NLGN1: variants seen among roughly 807,000 people sequenced by gnomAD.
NLGN1 encodes neuroligin 1.
Under a neutral mutation model 65.5 loss-of-function variants are expected in NLGN1, and 12 were observed. The observed-to-expected ratio is 0.18, with a 90% CI of 0.12 to 0.30. The LOEUF (loss-of-function observed/expected upper bound fraction) is 0.30. Among genes scored for constraint, NLGN1 ranks in the 10% least tolerant of loss-of-function variants. The pLI is 1.00. For synonymous variants in NLGN1, 350 were observed against 359.5 expected (o/e 0.97, Z 0.30); for missense variants, 750 against 1,007.1 (o/e 0.74, Z 3.46).
chr3:173,985,330 A>G (rs1196574302), intron 4 of NLGN1, among the ~76,000 whole-genome samples: 1 of 152,070 alleles, frequency 6.6e-6, no homozygotes, highest in Non-Finnish European at 1.5e-5. Context: ...ACCCCTTTTT[A>G]TTAGAGCCTG....
At chr3:174,201,377 AAG>A (rs1491323369) in intron 4 of NLGN1, among the ~76,000 whole-genome samples, 2 of 94,952 alleles carry the variant, frequency 2.1e-5, no homozygotes, top group Non-Finnish European at 4.4e-5. Context: ...GAAGGAAGGA[AAG>A]AAGGAAGGAA....
At chr3:173,858,807 A>ATTT (rs1026831613) in intron 4 of NLGN1, among the ~76,000 whole-genome samples, 2 of 151,980 alleles carry the variant, frequency 1.3e-5, no homozygotes, top group Non-Finnish European at 2.9e-5. Context: ...GTAGCACCGG[A>ATTT]TTTTTCATTA....
At chr3:173,781,731 G>A (rs1024410701) in intron 3 of NLGN1, among the ~76,000 whole-genome samples, 1 of 152,096 alleles carries the variant, frequency 6.6e-6, no homozygotes. Context: ...TTTTAAAAAG[G>A]CACATTAGCC....
intron 4 of NLGN1, among the ~76,000 whole-genome samples, chr3:173,883,750 A>G (rs1188970433): frequency 6.6e-6 from 1 of 151,498 alleles, no homozygotes; most frequent in Non-Finnish European, 1.5e-5. Flanking sequence ...TTGACATGGC[A>G]GTATCATGGG....
At chr3:174,200,836 A>G (rs1154876) in intron 4 of NLGN1, among the ~76,000 whole-genome samples, 112,308 of 152,002 alleles carry the variant, frequency 0.74, 41,576 homozygotes, top group East Asian at 0.83. Flanking sequence ...TAACCATCAG[A>G]CACAACTATT....
intron 3 of NLGN1, among the ~76,000 whole-genome samples, chr3:173,653,540 T>C (rs1436947277): frequency 1.3e-5 from 2 of 152,192 alleles, no homozygotes; most frequent in Non-Finnish European, 2.9e-5. Context: ...ATGAATTACA[T>C]TTATTGACAA....
intron 4 of NLGN1, among the ~76,000 whole-genome samples, chr3:173,826,630 A>C (rs2150566057): frequency 6.6e-6 from 1 of 152,210 alleles, no homozygotes; most frequent in South Asian, 2.1e-4. Flanking sequence ...CGAGGGTGTT[A>C]ATGATGATTC....
At chr3:174,187,015 C>G (rs1173021444) in intron 4 of NLGN1, among the ~76,000 whole-genome samples, 2 of 151,996 alleles carry the variant, frequency 1.3e-5, no homozygotes, top group African/African-American at 4.8e-5. Context: ...TATACACATC[C>G]TGTATACTTT....
At chr3:173,746,568 C>T (rs1775417550) in intron 3 of NLGN1, among the ~76,000 whole-genome samples, 1 of 151,948 alleles carries the variant, frequency 6.6e-6, no homozygotes, top group African/African-American at 2.4e-5. Context: ...TAAAGCCCTT[C>T]ACGAAAACCA....
chr3:173,701,989 C>T lies in NLGN1; in HGVS notation c.493+96898C>T, dbSNP rs1305809477. On this transcript the variant is annotated intron_variant, in intron 3 of 6. Coordinates refer to ENST00000457714, the Ensembl canonical transcript of NLGN1. ...GCGCGGTGGCTCACGCCTGTAATCCCAGCACTTTGGGAGGCCGAGGCGGGT... is the reference window on the plus strand; with the variant it reads ...GCGCGGTGGCTCACGCCTGTAATCCTAGCACTTTGGGAGGCCGAGGCGGGT... Among the ~76,000 whole-genome samples, 4 of 152,104 alleles carry T rather than the reference C, an allele frequency of 2.6e-5. No homozygotes were observed. In the South Asian group the frequency reaches 6.2e-4, roughly 24 times the overall value.
At chr3:174,143,011 CGAG>C (rs1722582261) in intron 4 of NLGN1, among the ~76,000 whole-genome samples, 1 of 152,004 alleles carries the variant, frequency 6.6e-6, no homozygotes, top group Admixed American at 6.6e-5. Context: ...AGACAGAGAA[CGAG>C]GAGGTCTCAG....
Position 173,600,592 on chromosome 3 carries a change from C to CTTTTTTTTTTTTTTTTTTTTTTTTTTT in NLGN1, c.-320-3678_-320-3677insTTTTTTTTTTTTTTTTTTTTTTTTTTT, listed in dbSNP as rs150984290. On this transcript the variant is annotated intron_variant, in intron 2 of 6. Coordinates refer to ENST00000457714, the Ensembl canonical transcript of NLGN1. ...AAGCAAGGTAGAAATAAAAACATAT[C>CTTTTTTTTTTTTTTTTTTTTTTTTTTT]TTTTTTTTTAGAAAAAGATATGTAA... 8.6e-3 allele frequency among the ~76,000 whole-genome samples: 889 copies of CTTTTTTTTTTTTTTTTTTTTTTTTTTT among 103,398 alleles called. 271 individuals carry two copies. The highest frequency in any genetic ancestry group is 0.025 in the East Asian group (75 of 3,016). 67.8% of individuals were successfully genotyped at this position (103,398 alleles called of 152,430 possible).
intron 4 of NLGN1, among the ~76,000 whole-genome samples, chr3:174,230,607 A>G (rs996145787): frequency 1.3e-5 from 2 of 152,188 alleles, no homozygotes; most frequent in African/African-American, 4.8e-5. Flanking sequence ...GTTTTAGTGA[A>G]GTATCAGCAT....
At position 173,968,650 on chromosome 3, in the gene NLGN1, C is replaced by T. The variant is rs150851782; in HGVS notation, c.646+160818C>T. Among the ~76,000 whole-genome samples the T allele has an allele frequency of 8.7e-3, 1,300 of 149,654 alleles. 11 individuals are homozygous for T. Among genetic ancestry groups the T allele is most frequent in the Non-Finnish European group, 0.014 (964 of 67,560 alleles). ...TATCACAGAATAAATTTTGATGTGT[C>T]CACCTTCTCTAACACCCCACAATTA... On this transcript the variant is annotated intron_variant, in intron 4 of 6. Transcript: ENST00000457714.
At chr3:173,756,587 C>T (rs920977322) in intron 3 of NLGN1, among the ~76,000 whole-genome samples, 1 of 151,554 alleles carries the variant, frequency 6.6e-6, no homozygotes, top group Non-Finnish European at 1.5e-5. Flanking sequence ...GAAATAGTGA[C>T]AAAGCAGAAG....
intron 4 of NLGN1, among the ~76,000 whole-genome samples, chr3:173,896,703 T>C (rs536759171): frequency 3.7e-4 from 57 of 152,270 alleles, no homozygotes; most frequent in African/African-American, 1.3e-3. Flanking sequence ...TTCTCATTCA[T>C]ACCATAGATG....
chr3:173,487,601 C>T (rs748989978), intron 2 of NLGN1, among the ~76,000 whole-genome samples: 35 of 151,810 alleles, frequency 2.3e-4, no homozygotes, highest in Non-Finnish European at 4.9e-4. Context: ...GTCAAATTCT[C>T]TTTATAATTC....
intron 2 of NLGN1, among the ~76,000 whole-genome samples, chr3:173,562,625 G>A (rs752115386): frequency 2.6e-5 from 4 of 151,588 alleles, no homozygotes; most frequent in African/African-American, 7.3e-5. Flanking sequence ...TACAAAGTAC[G>A]TTTATATGTC....
chr3:173,875,351 C>T (rs912755187), intron 4 of NLGN1, among the ~76,000 whole-genome samples: 29 of 152,168 alleles, frequency 1.9e-4, no homozygotes, highest in Non-Finnish European at 3.8e-4. Context: ...AGTCCTGACT[C>T]TACCACTGGA....
Sources: gnomAD v4.1 joint callset for allele counts (sites outside exome capture counted in the v4.1 genomes callset) on GRCh38, gnomAD v4.1.1 for gene constraint, MANE v1.5 for transcripts, NCBI Gene and HGNC (gene_info 2026-07-23, HGNC 2026-07-21) for gene names.